ZNF212: variants seen among roughly 807,000 people sequenced by gnomAD.
ZNF212 encodes Zinc finger protein C2H2-150.
ZNF212 carries 32 observed loss-of-function variants against 47.3 expected under a neutral mutation model. The observed-to-expected ratio is 0.68, with a 90% CI of 0.51 to 0.91. The LOEUF is 0.91. ZNF212 is among the 40% of genes least tolerant of loss of function. ZNF212 has a pLI of 0.00. For missense variants in ZNF212, 555 were observed against 622.8 expected, an observed-to-expected ratio of 0.89 and a Z score of 1.16; for synonymous variants, 242 against 253.8, an observed-to-expected ratio of 0.95 and a Z score of 0.44.
intron 1 of ZNF212, among the ~76,000 whole-genome samples, chr7:149,240,424 C>T (rs1405923811): frequency 2.6e-5 from 4 of 151,622 alleles, no homozygotes; most frequent in Non-Finnish European, 4.4e-5. Context: ...CGACCATCCC[C>T]ATTCTGGGAA....
intron 1 of ZNF212, among the ~76,000 whole-genome samples, chr7:149,249,242 T>C (rs1231542800): frequency 6.6e-6 from 1 of 152,156 alleles, no homozygotes; most frequent in East Asian, 1.9e-4. Flanking sequence ...ATCATTTCAG[T>C]AAATATTTTT....
intron 3 of ZNF212, 92 bp from the exon 4 acceptor site, chr7:149,252,614 C>T (rs1461341590): frequency 7.2e-6 from 8 of 1,107,644 alleles, no homozygotes; most frequent in Non-Finnish European, 1.1e-5. Context: ...TATTTCCTCC[C>T]TGCCATTGGT....
chr7:149,240,382 A>ACCCCCCCCCCCCCCCCCCCCCC (rs71194632), intron 1 of ZNF212, among the ~76,000 whole-genome samples: 3 of 109,354 alleles, frequency 2.7e-5, no homozygotes, highest in Non-Finnish European at 3.9e-5. Flanking sequence ...TCTCTCCTTC[A>ACCCCCCCCCCCCCCCCCCCCCC]CCCCCCCCCC....
At chr7:149,253,057 A>G (rs1156403337) in intron 4 of ZNF212, among the ~76,000 whole-genome samples, 2 of 152,174 alleles carry the variant, frequency 1.3e-5, no homozygotes, top group Admixed American at 6.5e-5. Context: ...GGCGGTAGTC[A>G]AAACCTGCTG....
intron 1 of ZNF212, among the ~76,000 whole-genome samples, chr7:149,243,487 G>C (rs1796629580): frequency 8.3e-6 from 1 of 120,480 alleles, no homozygotes; most frequent in African/African-American, 3.0e-5. Flanking sequence ...ACAACTAAAA[G>C]ATAAGGATAT....
At chr7:149,246,961 C>T (rs536689800) in intron 1 of ZNF212, among the ~76,000 whole-genome samples, 71 of 151,078 alleles carry the variant, frequency 4.7e-4, no homozygotes, top group Admixed American at 2.5e-3. Context: ...TACAGGCATG[C>T]GCCACCATGC....
chr7:149,245,964 T>C (rs1279281928), intron 1 of ZNF212, among the ~76,000 whole-genome samples: 1 of 152,264 alleles, frequency 6.6e-6, no homozygotes, highest in East Asian at 1.9e-4. Flanking sequence ...TCTTTGTGTC[T>C]GTTTCATGTT....
At chr7:149,249,167 T>C (rs1585594747) in intron 1 of ZNF212, among the ~76,000 whole-genome samples, 1 of 152,238 alleles carries the variant, frequency 6.6e-6, no homozygotes, top group African/African-American at 2.4e-5. Flanking sequence ...ACAGTGATTT[T>C]CCTACTGTCA....
intron 1 of ZNF212, among the ~76,000 whole-genome samples, chr7:149,245,859 A>C (rs1796669133): frequency 6.6e-6 from 1 of 151,920 alleles, no homozygotes; most frequent in Non-Finnish European, 1.5e-5. Flanking sequence ...ATGACTTGAA[A>C]TTTTTCTTCC....
In ZNF212 at chr7:149,254,567, C is replaced by A; in HGVS notation, c.*152C>A. On this transcript the variant is annotated 3_prime_UTR_variant, in exon 5 of 5. Transcript: ENST00000335870. The surrounding 1 kb of genome is among the most constrained non-coding windows in gnomAD (Gnocchi z 4.5). ...TACCAAGCCAAGCCCAAAGGCTGTCCTGAAAACCCTGTGGAAGAAGAGTCC... is the reference window on the plus strand; with the variant it reads ...TACCAAGCCAAGCCCAAAGGCTGTCATGAAAACCCTGTGGAAGAAGAGTCC... 1 of 1,211,174 alleles carries A rather than the reference C, an allele frequency of 8.3e-7. No homozygotes were observed. Among genetic ancestry groups the A allele is most frequent in the Non-Finnish European group, 1.1e-6 (1 of 899,534 alleles). The allele number at this position is 1,211,174 out of a possible 1,614,324, so 75.0% of individuals were successfully genotyped here.
rs1040049682 is a variant in ZNF212 at position 149,255,305 on chromosome 7, G to A, written c.*890G>A. 2 of 153,762 alleles carry A rather than the reference G, an allele frequency of 1.3e-5. No individual in the cohort carries two copies. Among genetic ancestry groups the A allele is most frequent in the Non-Finnish European group, 2.9e-5 (2 of 68,066 alleles). The allele number at this position is 153,762 out of a possible 1,614,324, so 9.5% of individuals were successfully genotyped here. ...CTATGTTCTGCAGCCTCCCAGAGTA[G>A]AAAACTACTTTGTTACTTAAGGTTG... On this transcript the variant is annotated 3_prime_UTR_variant, in exon 5 of 5. Coordinates refer to ENST00000335870, the MANE Select transcript of ZNF212 (RefSeq NM_012256.4).
intron 3 of ZNF212, among the ~76,000 whole-genome samples, chr7:149,252,123 A>G (rs1796769657): frequency 6.6e-6 from 1 of 152,144 alleles, no homozygotes; most frequent in African/African-American, 2.4e-5. Flanking sequence ...AAGTCTTTAT[A>G]TGCAAAATGT....
rs554277758 is a variant in ZNF212 at position 149,252,833 on chromosome 7, C to A, written c.631+38C>A. On this transcript the variant is annotated intron_variant, in intron 4 of 4. Coordinates refer to ENST00000335870, the MANE Select transcript of ZNF212 (RefSeq NM_012256.4). ...GGAATATTCTGTTCCCCTTCCATAGCCCTCTGTAGCCTAGAGTGAGCTTTC... is the reference window on the plus strand; with the variant it reads ...GGAATATTCTGTTCCCCTTCCATAGACCTCTGTAGCCTAGAGTGAGCTTTC... 5 of 1,597,698 alleles carry A rather than the reference C, an allele frequency of 3.1e-6. No homozygotes were observed. In the African/African-American group the frequency reaches 4.0e-5, roughly 13 times the overall value.
intron 1 of ZNF212, among the ~76,000 whole-genome samples, chr7:149,240,339 G>A (rs968067865): frequency 7.9e-5 from 12 of 151,810 alleles, no homozygotes; most frequent in African/African-American, 2.9e-4. Context: ...CTACAGTGCA[G>A]TTGCTGCATT....
At position 149,250,263 on chromosome 7, in the gene ZNF212, G is replaced by C. The variant is rs766503525; in HGVS notation, c.129G>C (p.Thr43=). 6.2e-7 allele frequency: 1 copy of C among 1,612,988 alleles called. No individual in the cohort carries two copies. The highest frequency in any genetic ancestry group is 1.1e-5 in the South Asian group (1 of 91,024). The part of the protein sequence containing the change: ...YFQTTEISLW[T]VVAAIQAVEK... ...AGACCACCGAGATTTCACTCTGGAC[G>C]GTGGTGGCCGCTATTCAGGCTGTGG... is the stretch of plus-strand genomic sequence containing the variant. The change falls in exon 2 of 5, where the codon ACG becomes ACC. Residue 43 remains threonine, a synonymous_variant. Coordinates refer to ENST00000335870, the MANE Select transcript of ZNF212 (RefSeq NM_012256.4).
chr7:149,250,072 A>G (rs1796730411), intron 1 of ZNF212, 87 bp from the exon 2 acceptor site: 6 of 1,284,738 alleles, frequency 4.7e-6, no homozygotes, highest in Non-Finnish European at 6.0e-6. Flanking sequence ...AAGAAACTAG[A>G]TAACTCTGAG....
At chr7:149,245,191 A>T (rs186094849) in intron 1 of ZNF212, among the ~76,000 whole-genome samples, 257 of 151,956 alleles carry the variant, frequency 1.7e-3, no homozygotes, top group Non-Finnish European at 1.7e-3. Context: ...CCTACTAAAA[A>T]TACAGAAAAA....
intron 4 of ZNF212, 67 bp downstream of exon 4, chr7:149,252,862 C>A: frequency 6.6e-7 from 1 of 1,512,460 alleles, no homozygotes; most frequent in Non-Finnish European, 9.1e-7. Context: ...AGCTTTCCCA[C>A]GGCTGAAGTG....
At chr7:149,244,395 C>T (rs530418424) in intron 1 of ZNF212, among the ~76,000 whole-genome samples, 1 of 152,226 alleles carries the variant, frequency 6.6e-6, no homozygotes, top group South Asian at 2.1e-4. Context: ...TCACTGCAAG[C>T]TCCGCCTCCC....
Sources: allele counts gnomAD v4.1 joint callset (sites outside exome capture counted in the v4.1 genomes callset), GRCh38; gene constraint gnomAD v4.1.1; non-coding constraint Gnocchi (gnomAD v3.1); transcripts MANE v1.5; gene names NCBI Gene and HGNC (gene_info 2026-07-23, HGNC 2026-07-21).